Variants in TRPM3 observed in about 807,000 individuals in gnomAD.
TRPM3 encodes the protein long transient receptor potential channel 3.
TRPM3 carries 77 observed loss-of-function variants against 181.2 expected under a neutral mutation model. That is an observed-to-expected ratio of 0.42 (90% CI 0.35 to 0.51). The LOEUF is 0.51. Among genes scored for constraint, TRPM3 ranks in the 20% least tolerant of loss-of-function variants. The pLI, the probability that TRPM3 is intolerant of heterozygous loss-of-function variation, is 0.01. For missense variants in TRPM3, 1,759 were observed against 2,196.7 expected, an observed-to-expected ratio of 0.80 and a Z score of 3.98; for synonymous variants, 745 against 796.4, an observed-to-expected ratio of 0.94 and a Z score of 1.09.
At chr9:71,117,249 A>C (rs750793111) in intron 1 of TRPM3, among the ~76,000 whole-genome samples, 18 of 152,148 alleles carry the variant, frequency 1.2e-4, no homozygotes, top group Non-Finnish European at 1.9e-4. Flanking sequence ...ACTATACAAT[A>C]CCTAAATCTG....
chr9:70,808,801 AAGG>A (rs1463440941), intron 6 of TRPM3, among the ~76,000 whole-genome samples: 7 of 152,330 alleles, frequency 4.6e-5, no homozygotes, highest in Admixed American at 2.0e-4. Flanking sequence ...TGTGTTTTGG[AAGG>A]CCTTTCCCTT....
chr9:70,834,427 C>T lies in TRPM3; in HGVS notation c.802-6409G>A, dbSNP rs188166882. On this transcript the variant is annotated intron_variant, in intron 5 of 25. Transcript: ENST00000677713. ...GAAAAGGCTGTTGAGTTCTGAAAGA[C>T]GGTTACATCCTTTAGAAATCACCAT... 1.2e-3 allele frequency among the ~76,000 whole-genome samples: 176 copies of T among 152,238 alleles called. 1 individual carries two copies. The highest frequency in any genetic ancestry group is 4.2e-3 in the South Asian group (20 of 4,818).
In TRPM3 at chr9:70,888,191, T is replaced by TA. The variant is rs1444276629; in HGVS notation, c.178-23681dup. On this transcript the variant is annotated intron_variant, in intron 1 of 25. Coordinates refer to ENST00000677713, the MANE Select transcript of TRPM3 (RefSeq NM_001366145.2). ...CCAAGTCACTATAATGATGAGGCTT[T>TA]ATATGACTAAAGGAGGTTTTAGCTT... Among the ~76,000 whole-genome samples, 5 of 152,296 alleles carry TA rather than the reference T, an allele frequency of 3.3e-5. No individual in the cohort carries two copies. In the East Asian group the frequency reaches 9.7e-4, roughly 29 times the overall value.
chr9:71,016,362 T>C (rs1021174393), intron 1 of TRPM3, among the ~76,000 whole-genome samples: 7 of 151,968 alleles, frequency 4.6e-5, no homozygotes, highest in Admixed American at 1.3e-4. Context: ...ATCACAAAAA[T>C]CCATCTCCAG....
At chr9:70,758,611 T>C (rs749463649) in intron 8 of TRPM3, among the ~76,000 whole-genome samples, 9 of 152,146 alleles carry the variant, frequency 5.9e-5, no homozygotes, top group Non-Finnish European at 8.8e-5. Context: ...CATAACAGCA[T>C]GGTAGTGGTG....
chr9:70,904,630 T>C (rs1382441769), intron 1 of TRPM3, among the ~76,000 whole-genome samples: 3 of 152,180 alleles, frequency 2.0e-5, no homozygotes, highest in African/African-American at 7.2e-5. Flanking sequence ...CAGACCCCGA[T>C]GGCCACAAAA....
intron 1 of TRPM3, among the ~76,000 whole-genome samples, chr9:71,102,705 T>A (rs779661043): frequency 6.6e-6 from 1 of 152,340 alleles, no homozygotes; most frequent in South Asian, 2.1e-4. Flanking sequence ...AATTAGTTGT[T>A]TCACACACTG....
At chr9:71,365,577 T>C in intron 1 of TRPM3, among the ~76,000 whole-genome samples, 1 of 152,178 alleles carries the variant, frequency 6.6e-6, no homozygotes, top group South Asian at 2.1e-4. Context: ...GCAAAAAAAC[T>C]GTCCCTTGAA....
At chr9:70,549,016 C>G (rs1008734522) in intron 25 of TRPM3, among the ~76,000 whole-genome samples, 2 of 151,658 alleles carry the variant, frequency 1.3e-5, no homozygotes, top group African/African-American at 2.4e-5. Context: ...TCATCTTGTT[C>G]TATAAAAAGG....
intron 22 of TRPM3, among the ~76,000 whole-genome samples, chr9:70,568,563 A>G (rs1281032205): frequency 6.6e-6 from 1 of 152,358 alleles, no homozygotes; most frequent in Middle Eastern, 3.4e-3. Flanking sequence ...ATTATTCTAT[A>G]TGCTTTGTAA....
intron 1 of TRPM3, among the ~76,000 whole-genome samples, chr9:70,938,391 C>CT: frequency 6.6e-6 from 1 of 152,282 alleles, no homozygotes; most frequent in Non-Finnish European, 1.5e-5. Flanking sequence ...TCTTTGAGCC[C>CT]TTTGTACATA....
chr9:71,156,756 C>T (rs1587693005), intron 1 of TRPM3, among the ~76,000 whole-genome samples: 1 of 151,778 alleles, frequency 6.6e-6, no homozygotes, highest in East Asian at 1.9e-4. Flanking sequence ...ATTTTTAATA[C>T]ATAACAGGAA....
chr9:71,444,741 C>A (rs1177048252), intron 1 of TRPM3, among the ~76,000 whole-genome samples: 1 of 152,182 alleles, frequency 6.6e-6, no homozygotes, highest in South Asian at 2.1e-4. Context: ...CAAATGAAGT[C>A]AAAACTCTTT....
chr9:71,063,974 T>C (rs1015371909), intron 1 of TRPM3, among the ~76,000 whole-genome samples: 1 of 151,848 alleles, frequency 6.6e-6, no homozygotes, highest in Non-Finnish European at 1.5e-5. Context: ...GTTGGAAACA[T>C]AGGAAGGGGA....
chr9:71,314,490 T>C (rs771314922), intron 1 of TRPM3, among the ~76,000 whole-genome samples: 1 of 152,090 alleles, frequency 6.6e-6, no homozygotes, highest in Non-Finnish European at 1.5e-5. Flanking sequence ...ACCTACCCTA[T>C]TAATCCCAAA....
intron 12 of TRPM3, among the ~76,000 whole-genome samples, chr9:70,626,706 G>A (rs193024067): frequency 2.0e-4 from 31 of 152,240 alleles, no homozygotes; most frequent in African/African-American, 7.0e-4. Flanking sequence ...TGGTAGATTA[G>A]GCAGCAGAAC....
chr9:71,014,681 A>C (rs755747500), intron 1 of TRPM3, among the ~76,000 whole-genome samples: 1 of 152,094 alleles, frequency 6.6e-6, no homozygotes, highest in African/African-American at 2.4e-5. Flanking sequence ...TATGGCTTGG[A>C]ATTGCCTAGT....
At chr9:70,550,514 G>C (rs1244436124) in intron 24 of TRPM3, among the ~76,000 whole-genome samples, 1 of 152,178 alleles carries the variant, frequency 6.6e-6, no homozygotes, top group Non-Finnish European at 1.5e-5. Context: ...CCTGGTTTCT[G>C]TTAATAGAAG....
At chr9:71,412,787 A>G (rs1396340192) in intron 1 of TRPM3, among the ~76,000 whole-genome samples, 1 of 152,222 alleles carries the variant, frequency 6.6e-6, no homozygotes, top group East Asian at 1.9e-4. Context: ...TACTATAAAG[A>G]CACATACACA....
Sources: allele counts gnomAD v4.1 joint callset (sites outside exome capture counted in the v4.1 genomes callset), GRCh38; gene constraint gnomAD v4.1.1; transcripts MANE v1.5; gene names NCBI Gene and HGNC (gene_info 2026-07-23, HGNC 2026-07-21).